Variants in HDGFL3 observed in about 807,000 individuals in gnomAD.
HDGFL3 encodes the protein hepatoma-derived growth factor-related protein 3.
Under a neutral mutation model 27.6 loss-of-function variants are expected in HDGFL3, and 6 were observed. The observed-to-expected ratio is 0.22, with a 90% CI of 0.12 to 0.43. The LOEUF is 0.43. Ranked by LOEUF, HDGFL3 falls within the 20% of genes least tolerant of loss-of-function variation. HDGFL3 has a pLI of 1.00. For missense variants in HDGFL3, 207 were observed against 250.1 expected (o/e 0.83, Z 1.16); for synonymous variants, 88 against 88.9 (o/e 0.99, Z 0.05).
intron 1 of HDGFL3, among the ~76,000 whole-genome samples, chr15:83,194,016 T>C (rs541983194): frequency 6.6e-6 from 1 of 152,148 alleles, no homozygotes; most frequent in Non-Finnish European, 1.5e-5. Context: ...AAGCCCCAAT[T>C]TGGGGGCTCA....
At chr15:83,165,378 A>G (rs931974494) in intron 1 of HDGFL3, among the ~76,000 whole-genome samples, 1 of 152,202 alleles carries the variant, frequency 6.6e-6, no homozygotes, top group African/African-American at 2.4e-5. Context: ...AGTTGCTGTG[A>G]GCAAATGAAT....
At chr15:83,164,730 C>T (rs1446864298) in intron 1 of HDGFL3, among the ~76,000 whole-genome samples, 1 of 152,098 alleles carries the variant, frequency 6.6e-6, no homozygotes, top group Non-Finnish European at 1.5e-5. Context: ...TCAGATCTAC[C>T]AATTCTTATT....
At chr15:83,122,838 T>G, downstream of HDGFL3, 1 of 1,614,124 alleles carries the variant, frequency 6.2e-7, no homozygotes, top group Non-Finnish European at 8.5e-7. Flanking sequence ...GGTTTCAGAA[T>G]CTATAATCAG....
At chr15:83,205,945 T>C (rs1376349341) in intron 1 of HDGFL3, among the ~76,000 whole-genome samples, 1 of 152,230 alleles carries the variant, frequency 6.6e-6, no homozygotes, top group African/African-American at 2.4e-5. Flanking sequence ...TGAATAAGAC[T>C]GTTTTTTCCT....
chr15:83,205,031 G>A (rs1230284153), intron 1 of HDGFL3, among the ~76,000 whole-genome samples: 1 of 152,178 alleles, frequency 6.6e-6, no homozygotes, highest in Non-Finnish European at 1.5e-5. Flanking sequence ...TCCCTCCTAA[G>A]TTTGAGTCCT....
At position 83,135,453 on chromosome 15, in the gene HDGFL3, T is replaced by C. The variant is rs2036544236; in HGVS notation, c.*3817A>G. On this transcript the variant is annotated 3_prime_UTR_variant, in exon 6 of 6. Transcript: ENST00000299633. ...TGATGAACTGATAATTTACTACTTA[T>C]TACATTTAGATTCCCAATCCTTTAT... The C allele has an allele frequency of 3.3e-5, 5 of 152,358 alleles. No individual in the cohort carries two copies. In the South Asian group the frequency reaches 1.0e-3, roughly 32 times the overall value. The allele number at this position is 152,358 out of a possible 1,614,324, so 9.4% of individuals were successfully genotyped here. A position where few individuals can be genotyped will look rare whatever the true frequency, so the allele number is the denominator to read the frequency against.
At chr15:83,181,875 C>T (rs953497247) in intron 1 of HDGFL3, among the ~76,000 whole-genome samples, 1 of 152,190 alleles carries the variant, frequency 6.6e-6, no homozygotes, top group Non-Finnish European at 1.5e-5. Flanking sequence ...AAGCTATTGT[C>T]CACATAGATT....
rs1428838717 is a variant in HDGFL3, at chr15:83,119,610, C to A, written c.394-3869G>T. The A allele has an allele frequency of 1.9e-6, 3 of 1,614,212 alleles. No homozygotes were observed. In the East Asian group the frequency reaches 6.7e-5, roughly 36 times the overall value. On this transcript the variant is annotated intron_variant, in intron 3 of 3. Transcript: ENST00000568294. ...CGTATCTGAACACCGCATATGGGCA[C>A]ATGATCTGCTACTGGGATGGCTCTG...
chr15:83,168,432 G>T (rs1303936972), intron 1 of HDGFL3, among the ~76,000 whole-genome samples: 1 of 152,098 alleles, frequency 6.6e-6, no homozygotes, highest in African/African-American at 2.4e-5. Flanking sequence ...GAAAAGAGAA[G>T]ATCCAAATAA....
At chr15:83,127,118 C>T (rs952334627), downstream of HDGFL3, among the ~76,000 whole-genome samples, 5 of 151,684 alleles carry the variant, frequency 3.3e-5, no homozygotes, top group East Asian at 3.9e-4. Context: ...TGCTTGAACC[C>T]GGGAGGTGGA....
At chr15:83,168,849 T>G (rs1258579140) in intron 1 of HDGFL3, among the ~76,000 whole-genome samples, 1 of 152,182 alleles carries the variant, frequency 6.6e-6, no homozygotes. Context: ...CCAATATCCC[T>G]GATGAAAGCA....
At chr15:83,146,790 C>T (rs944420215) in intron 5 of HDGFL3, among the ~76,000 whole-genome samples, 1 of 152,216 alleles carries the variant, frequency 6.6e-6, no homozygotes, top group African/African-American at 2.4e-5. Context: ...GGCAATTCAA[C>T]TTCATTTCCC....
At chr15:83,192,349 T>C (rs992306185) in intron 1 of HDGFL3, 4 of 453,662 alleles carry the variant, frequency 8.8e-6, no homozygotes, top group South Asian at 3.1e-5. Context: ...TTGATAGACA[T>C]GCACTCCTGA....
In HDGFL3 at chr15:83,130,141, G is replaced by A. The variant is rs1340886574; in HGVS notation, c.*9129C>T. 2.0e-5 allele frequency: 3 copies of A among 152,234 alleles called. No homozygotes were observed. The highest frequency in any genetic ancestry group is 6.5e-5 in the Admixed American group (1 of 15,278). The allele number at this position is 152,234 out of a possible 1,614,324, so 9.4% of individuals were successfully genotyped here. On this transcript the variant is annotated 3_prime_UTR_variant, in exon 6 of 6. Coordinates refer to ENST00000299633, the MANE Select transcript of HDGFL3 (RefSeq NM_016073.4). ...GGCTGGTTAAAGAGACCAGATGTTGGACCTGGTCAAGTCTCAGGAGACAAA... is the reference window on the plus strand; with the variant it reads ...GGCTGGTTAAAGAGACCAGATGTTGAACCTGGTCAAGTCTCAGGAGACAAA...
chr15:83,189,811 A>T (rs1233577333), intron 1 of HDGFL3, among the ~76,000 whole-genome samples: 1 of 152,218 alleles, frequency 6.6e-6, no homozygotes, highest in Non-Finnish European at 1.5e-5. Context: ...TGATAATTGC[A>T]AAGGTACTCT....
At chr15:83,154,924 C>T (rs1210193161) in intron 4 of HDGFL3, among the ~76,000 whole-genome samples, 1 of 152,072 alleles carries the variant, frequency 6.6e-6, no homozygotes, top group Admixed American at 6.6e-5. Flanking sequence ...GCTGGAGGGC[C>T]GTGGCATGAT....
intron 4 of HDGFL3, among the ~76,000 whole-genome samples, chr15:83,154,040 C>T (rs2036995991): frequency 6.6e-6 from 1 of 151,784 alleles, no homozygotes; most frequent in Admixed American, 6.6e-5. Context: ...ACAGGCCGGG[C>T]ACAGTGGCTC....
chr15:83,169,005 CAG>C (rs1351985208), intron 1 of HDGFL3, among the ~76,000 whole-genome samples: 2 of 152,016 alleles, frequency 1.3e-5, no homozygotes, highest in Non-Finnish European at 2.9e-5. Flanking sequence ...ACCACATAAA[CAG>C]AATTAAAAAC....
At chr15:83,196,200 T>TAA (rs1187010768) in intron 1 of HDGFL3, among the ~76,000 whole-genome samples, 1 of 151,552 alleles carries the variant, frequency 6.6e-6, no homozygotes, top group African/African-American at 2.4e-5. Context: ...TATTTATATT[T>TAA]GTCCATTATA....
Sources: gnomAD v4.1 joint callset for allele counts (sites outside exome capture counted in the v4.1 genomes callset) on GRCh38, gnomAD v4.1.1 for gene constraint, MANE v1.5 for transcripts, NCBI Gene and HGNC (gene_info 2026-07-23, HGNC 2026-07-21) for gene names.